USP10: variants seen among roughly 807,000 people sequenced by gnomAD.
USP10 encodes the protein ubiquitin specific peptidase 10, also known as ubiquitin carboxyl-terminal hydrolase 10.
USP10 carries 22 observed loss-of-function variants against 84.5 expected under a neutral mutation model. That is an observed-to-expected ratio of 0.26 (90% CI 0.19 to 0.37). The LOEUF (loss-of-function observed/expected upper bound fraction) is 0.37. USP10 is among the 10% of genes least tolerant of loss of function. The pLI is 1.00. For missense variants in USP10, 1,019 were observed against 998.9 expected (o/e 1.02, Z -0.27); for synonymous variants, 454 against 387.6 (o/e 1.17, Z -2.01).
intron 4 of USP10, among the ~76,000 whole-genome samples, chr16:84,748,543 A>T (rs1471114081): frequency 6.6e-6 from 1 of 152,062 alleles, no homozygotes; most frequent in Non-Finnish European, 1.5e-5. Context: ...ACCTCAAGTG[A>T]TCCTCCTGCC....
intron 2 of USP10, among the ~76,000 whole-genome samples, chr16:84,736,908 C>A (rs1910003777): frequency 6.6e-6 from 1 of 152,232 alleles, no homozygotes; most frequent in African/African-American, 2.4e-5. Context: ...CCTGCCTCAG[C>A]CTCCCGAGTA....
At chr16:84,759,600 A>C in intron 6 of USP10, 128 bp downstream of exon 6, 1 of 917,502 alleles carries the variant, frequency 1.1e-6, no homozygotes, top group Non-Finnish European at 1.7e-6. Context: ...TTTTTTAAAA[A>C]TAGACTGTTG....
intron 2 of USP10, among the ~76,000 whole-genome samples, chr16:84,737,975 G>A (rs1158704731): frequency 6.6e-6 from 1 of 152,242 alleles, no homozygotes; most frequent in East Asian, 1.9e-4. Flanking sequence ...CCGATTGCTG[G>A]GGTTTTCTTC....
chr16:84,703,532 C>T (rs1281201579), intron 1 of USP10, among the ~76,000 whole-genome samples: 1 of 152,228 alleles, frequency 6.6e-6, no homozygotes, highest in East Asian at 1.9e-4. Context: ...TTCTAGCCAA[C>T]AGCTGGATTA....
intron 2 of USP10, among the ~76,000 whole-genome samples, chr16:84,738,104 G>A (rs1476255155): frequency 6.6e-6 from 1 of 152,216 alleles, no homozygotes; most frequent in Admixed American, 6.5e-5. Context: ...GCCTTGTGAA[G>A]TGGATGGGTG....
intron 1 of USP10, among the ~76,000 whole-genome samples, chr16:84,702,432 G>A (rs1392552592): frequency 6.6e-6 from 1 of 152,144 alleles, no homozygotes; most frequent in Non-Finnish European, 1.5e-5. Flanking sequence ...ACAGGATTTA[G>A]TTACTGGTTC....
chr16:84,754,052 C>T (rs756962973), intron 4 of USP10, among the ~76,000 whole-genome samples: 1 of 152,002 alleles, frequency 6.6e-6, no homozygotes, highest in Non-Finnish European at 1.5e-5. Flanking sequence ...TTAGATGGTG[C>T]GGACTTTGTT....
chr16:84,760,451 T>C (rs533580902), intron 8 of USP10, among the ~76,000 whole-genome samples, 176 bp downstream of exon 8: 1 of 152,338 alleles, frequency 6.6e-6, no homozygotes, highest in Non-Finnish European at 1.5e-5. Context: ...CTCAGTACTT[T>C]ACATATATTA....
At chr16:84,700,641 A>T (rs1224250964) in intron 1 of USP10, among the ~76,000 whole-genome samples, 1 of 152,114 alleles carries the variant, frequency 6.6e-6, no homozygotes, top group Non-Finnish European at 1.5e-5. Flanking sequence ...TCTGTTTTTT[A>T]GATAGAAGTA....
intron 13 of USP10, among the ~76,000 whole-genome samples, chr16:84,776,314 G>GGGGCCCAGGGGTGA (rs1440308476): frequency 3.8e-5 from 3 of 78,190 alleles, no homozygotes; most frequent in Non-Finnish European, 8.4e-5. Flanking sequence ...CCTAGCGGTG[G>GGGGCCCAGGGGTGA]GGGCCCAGGG....
chr16:84,702,767 T>A (rs1597253705), intron 1 of USP10, among the ~76,000 whole-genome samples: 1 of 151,702 alleles, frequency 6.6e-6, no homozygotes, highest in Non-Finnish European at 1.5e-5. Flanking sequence ...CGCAGGTGGG[T>A]GGATCACTTG....
At chr16:84,761,170 A>G (rs1487269066) in intron 8 of USP10, among the ~76,000 whole-genome samples, 1 of 152,170 alleles carries the variant, frequency 6.6e-6, no homozygotes, top group Non-Finnish European at 1.5e-5. Context: ...CAGTGAGGGA[A>G]TGAGTTAATG....
chr16:84,706,466 C>G (rs2150754525), intron 1 of USP10, among the ~76,000 whole-genome samples: 1 of 148,678 alleles, frequency 6.7e-6, no homozygotes, highest in East Asian at 1.9e-4. Context: ...GCTGCAAAGA[C>G]TATATATATA....
In USP10 at chr16:84,757,955, A is replaced by G. The variant is rs538837064; in HGVS notation, c.1193-761A>G. Among the ~76,000 whole-genome samples, 329 of 152,362 alleles carry G rather than the reference A, an allele frequency of 2.2e-3. 6 individuals are homozygous for G. The highest frequency in any genetic ancestry group is 9.6e-4 in the East Asian group (5 of 5,192). On this transcript the variant is annotated intron_variant, in intron 4 of 13. Coordinates refer to ENST00000219473, the MANE Select transcript of USP10 (RefSeq NM_005153.3). ...GGGTTTATAAATTGTAGCCATCACC[A>G]TTAGAAGATTCATAGTGGGACAGGG...
chr16:84,708,075 C>A (rs3764284), intron 1 of USP10, among the ~76,000 whole-genome samples: 3 of 151,938 alleles, frequency 2.0e-5, no homozygotes, highest in South Asian at 2.1e-4. Flanking sequence ...GAGACTCTTA[C>A]GTCAAAAAAG....
chr16:84,742,798 A>G (rs1397387055), intron 3 of USP10, among the ~76,000 whole-genome samples: 1 of 152,216 alleles, frequency 6.6e-6, no homozygotes, highest in Non-Finnish European at 1.5e-5. Flanking sequence ...AGATGATCAA[A>G]CATGGTATTG....
chr16:84,746,317 G>C (rs900165051), intron 4 of USP10, among the ~76,000 whole-genome samples: 1 of 152,122 alleles, frequency 6.6e-6, no homozygotes, highest in Non-Finnish European at 1.5e-5. Context: ...AATGCAGCAG[G>C]GTATGAAAGA....
At chr16:84,765,745 G>A (rs1913784084) in intron 10 of USP10, among the ~76,000 whole-genome samples, 1 of 152,222 alleles carries the variant, frequency 6.6e-6, no homozygotes, top group African/African-American at 2.4e-5. Flanking sequence ...AAAGTGAAGA[G>A]AGTGTGAAGG....
chr16:84,719,238 A>G (rs1344256038), intron 1 of USP10, among the ~76,000 whole-genome samples: 5 of 152,144 alleles, frequency 3.3e-5, no homozygotes, highest in African/African-American at 1.2e-4. Flanking sequence ...ATCTCAAATT[A>G]TTTTATAATT....
Sources: allele counts gnomAD v4.1 joint callset (sites outside exome capture counted in the v4.1 genomes callset), GRCh38; gene constraint gnomAD v4.1.1; transcripts MANE v1.5; gene names NCBI Gene and HGNC (gene_info 2026-07-23, HGNC 2026-07-21).